Variants in SPATA22 observed in about 807,000 individuals in gnomAD.
SPATA22 encodes spermatogenesis associated 22, also known as spermatogenesis-associated protein 22.
A neutral mutation model predicts 47.8 loss-of-function variants in SPATA22; 29 were observed. That is an observed-to-expected ratio of 0.61 (90% CI 0.45 to 0.83). The LOEUF (loss-of-function observed/expected upper bound fraction) is 0.83. Ranked by LOEUF, SPATA22 falls within the 40% of genes least tolerant of loss-of-function variation. The pLI is 0.00. For synonymous variants in SPATA22, 133 were observed against 140.9 expected, an observed-to-expected ratio of 0.94 and a Z score of 0.40; for missense variants, 410 against 421.7, an observed-to-expected ratio of 0.97 and a Z score of 0.24.
rs1417163896 is a variant in SPATA22, at chr17:3,471,505, G to A, written c.-74+177C>T. 3.0e-6 allele frequency: 3 copies of A among 985,066 alleles called. No homozygotes were observed. The African/African-American group carries it at 5.3e-5, about 17-fold the overall frequency. The allele number at this position is 985,066 out of a possible 1,614,324, so 61.0% of individuals were successfully genotyped here. On this transcript the variant is annotated intron_variant, in intron 1 of 8. Transcript: ENST00000572969. ...GGTGGCATTGGTGTGCAAAAAGTGT[G>A]CTCAATCTGCACGCACACACACACA...
At chr17:3,461,464 A>C (rs1308846090) in intron 5 of SPATA22, among the ~76,000 whole-genome samples, 1 of 152,130 alleles carries the variant, frequency 6.6e-6, no homozygotes, top group Non-Finnish European at 1.5e-5. Flanking sequence ...CTGTTTACCT[A>C]ATTATCTGTC....
intron 1 of SPATA22, among the ~76,000 whole-genome samples, chr17:3,482,774 T>G (rs1567611637): frequency 6.6e-6 from 1 of 151,904 alleles, no homozygotes; most frequent in Admixed American, 6.5e-5. Context: ...GATTCTTTTT[T>G]TTTTTAATTT....
intron 5 of SPATA22, among the ~76,000 whole-genome samples, chr17:3,450,507 T>G (rs895683800): frequency 6.6e-6 from 1 of 152,228 alleles, no homozygotes; most frequent in Non-Finnish European, 1.5e-5. Context: ...CACTTCTTCA[T>G]ACGACAATAA....
At chr17:3,501,863 G>A (rs111502077) in intron 1 of SPATA22, 33,128 of 152,018 alleles carry the variant, frequency 0.22, 3,881 homozygotes, top group Non-Finnish European at 0.27. Flanking sequence ...TGAGGCAGAA[G>A]GATCACTTGA....
intron 1 of SPATA22, among the ~76,000 whole-genome samples, chr17:3,480,541 G>T (rs2073609843): frequency 6.6e-6 from 1 of 152,084 alleles, no homozygotes; most frequent in Admixed American, 6.6e-5. Context: ...GTCAACTCAG[G>T]GTTTACAAAA....
chr17:3,497,942 C>T (rs11869485), intron 1 of SPATA22, among the ~76,000 whole-genome samples: 87,057 of 151,912 alleles, frequency 0.57, 26,145 homozygotes, highest in African/African-American at 0.65. Context: ...CTGGGGTTCC[C>T]GTGGTGTGAC....
Position 3,443,258 on chromosome 17 carries a change from T to C in SPATA22, c.816A>G (p.Ser272=). The change falls in exon 8 of 9, where the codon TCA becomes TCG. Residue 272 remains serine (S), a synonymous_variant. Coordinates refer to ENST00000572969, the MANE Select transcript of SPATA22 (RefSeq NM_001170698.2). ...LLFEVLAVLD[S]AVTPGPYYSK... ...AATAATATGGGCCAGGTGTAACAGC[T>C]GAATCAAGAACAGCTAAGCAATATT... is the stretch of plus-strand genomic sequence containing the variant. 1 of 1,608,352 alleles carries C rather than the reference T, an allele frequency of 6.2e-7. No individual in the cohort carries two copies. The highest frequency in any genetic ancestry group is 1.1e-5 in the South Asian group (1 of 90,006).
chr17:3,492,165 T>G (rs1384881408), intron 1 of SPATA22, among the ~76,000 whole-genome samples: 1 of 152,214 alleles, frequency 6.6e-6, no homozygotes, highest in East Asian at 1.9e-4. Context: ...GCCTGCGCCA[T>G]TGCGCCTGGC....
chr17:3,448,076 G>A (rs1435323460), intron 6 of SPATA22, among the ~76,000 whole-genome samples: 1 of 152,186 alleles, frequency 6.6e-6, no homozygotes, highest in Admixed American at 6.5e-5. Flanking sequence ...GTACAGTTGA[G>A]ATACAGGTAT....
At chr17:3,446,715 A>G in intron 6 of SPATA22, 114 bp from the exon 7 acceptor site, 1 of 850,648 alleles carries the variant, frequency 1.2e-6, no homozygotes, top group Non-Finnish European at 1.7e-6. Context: ...GTGTAAAAAG[A>G]ACTACTGAAA....
chr17:3,501,407 G>C (rs1453453117), intron 1 of SPATA22: 3 of 152,320 alleles, frequency 2.0e-5, no homozygotes, highest in African/African-American at 7.2e-5. Flanking sequence ...AGTAAAGGAA[G>C]TCATGCAGAT....
Position 3,450,611 on chromosome 17 carries a change from C to T in SPATA22, c.330-1462G>A, listed in dbSNP as rs147178379. ...TCCAGAGTAGCTGGCACTACAGGTA[C>T]GTACCATCACACGCAACAATTTTGT... On this transcript the variant is annotated intron_variant, in intron 5 of 8. Coordinates refer to ENST00000572969, the MANE Select transcript of SPATA22 (RefSeq NM_001170698.2). Among the ~76,000 whole-genome samples, 31 of 152,220 alleles carry T rather than the reference C, an allele frequency of 2.0e-4. No individual in the cohort carries two copies. In the South Asian group the frequency reaches 5.4e-3, roughly 26 times the overall value.
At position 3,481,792 on chromosome 17, in the gene SPATA22, C is replaced by T. The variant is rs1380839164; in HGVS notation, c.-73-12394G>A. ...ACTTTTTAATTCAGATGTTTCATTA[C>T]ATTAAGGTAATGTTAATGTTATTAA... On this transcript the variant is annotated intron_variant, in intron 1 of 8. Coordinates refer to the SPATA22 transcript ENST00000541913. 6 of 1,600,852 alleles carry T rather than the reference C, an allele frequency of 3.7e-6. No homozygotes were observed. Among genetic ancestry groups the T allele is most frequent in the Non-Finnish European group, 5.1e-6 (6 of 1,170,834 alleles).
At chr17:3,498,858 T>A in intron 1 of SPATA22, 1 of 1,469,636 alleles carries the variant, frequency 6.8e-7, no homozygotes, top group Non-Finnish European at 9.0e-7. Context: ...AAAAACCAAA[T>A]ATAATATATT....
intron 1 of SPATA22, among the ~76,000 whole-genome samples, chr17:3,492,836 G>C (rs2073847609): frequency 6.6e-6 from 1 of 152,040 alleles, no homozygotes. Flanking sequence ...ACAAAGGCAG[G>C]AGCAAAACAA....
intron 1 of SPATA22, among the ~76,000 whole-genome samples, chr17:3,469,914 CA>C (rs1189277412): frequency 1.3e-5 from 2 of 151,958 alleles, no homozygotes; most frequent in African/African-American, 2.4e-5. Context: ...GCCAACATGG[CA>C]AAAGCCCATC....
intron 1 of SPATA22, chr17:3,489,425 G>A (rs944114693): frequency 1.8e-4 from 218 of 1,196,430 alleles, no homozygotes; most frequent in Non-Finnish European, 2.5e-4. Flanking sequence ...GATTTGCCAT[G>A]CTAAAGATAT....
At chr17:3,481,461 T>C (rs1001338969) in intron 1 of SPATA22, 5 of 715,266 alleles carry the variant, frequency 7.0e-6, no homozygotes, top group Non-Finnish European at 1.2e-5. Flanking sequence ...TATATAAACA[T>C]TTCAGGTAAG....
chr17:3,506,400 A>G (rs2074040524), intron 1 of SPATA22, among the ~76,000 whole-genome samples: 1 of 152,224 alleles, frequency 6.6e-6, no homozygotes, highest in Non-Finnish European at 1.5e-5. Context: ...CAAGAAAAGA[A>G]CAGGAACTTG....
Sources: allele counts gnomAD v4.1 joint callset (sites outside exome capture counted in the v4.1 genomes callset), GRCh38; gene constraint gnomAD v4.1.1; transcripts MANE v1.5; gene names NCBI Gene and HGNC (gene_info 2026-07-23, HGNC 2026-07-21).